SUPT16H: variants seen among roughly 807,000 people sequenced by gnomAD.
SUPT16H encodes FACT complex subunit SPT16.
A neutral mutation model predicts 136.2 loss-of-function variants in SUPT16H; 24 were observed. The ratio of observed to expected loss-of-function variants is 0.18; its 90% CI spans 0.13 to 0.25. The LOEUF (loss-of-function observed/expected upper bound fraction) is 0.25. Ranked by LOEUF, SUPT16H falls within the 10% of genes least tolerant of loss-of-function variation. The pLI, the probability that SUPT16H is intolerant of heterozygous loss-of-function variation, is 1.00. For missense variants in SUPT16H, 623 were observed against 1,270.2 expected, an observed-to-expected ratio of 0.49 and a Z score of 7.74; for synonymous variants, 415 against 428.2, an observed-to-expected ratio of 0.97 and a Z score of 0.38.
intron 23 of SUPT16H, 60 bp from the exon 24 acceptor site, chr14:21,353,892 A>G (rs1260875982): frequency 6.6e-7 from 1 of 1,525,286 alleles, no homozygotes; most frequent in East Asian, 2.3e-5. Context: ...AACTTAATGA[A>G]TTAATTCAGC....
chr14:21,361,242 A>G, intron 15 of SUPT16H, 29 bp from the exon 16 acceptor site: 1 of 1,605,796 alleles, frequency 6.2e-7, no homozygotes. Context: ...ATTTATAGAC[A>G]TTTCTTTTTC....
chr14:21,367,226 C>T (rs1325118806), intron 7 of SUPT16H, among the ~76,000 whole-genome samples: 5 of 152,202 alleles, frequency 3.3e-5, no homozygotes, highest in East Asian at 1.9e-4. Flanking sequence ...CCACCATACC[C>T]GGCCCCGATC....
intron 1 of SUPT16H, among the ~76,000 whole-genome samples, chr14:21,382,636 TA>T (rs1887054351): frequency 6.6e-6 from 1 of 151,844 alleles, no homozygotes; most frequent in African/African-American, 2.4e-5. Flanking sequence ...ATCAAGGTTT[TA>T]AAATGTTTTT....
intron 1 of SUPT16H, 150 bp downstream of exon 1, chr14:21,383,712 G>A (rs2139424309): frequency 5.8e-6 from 5 of 862,516 alleles, no homozygotes; most frequent in Non-Finnish European, 7.8e-6. Flanking sequence ...GTTCGTGGCC[G>A]CCTCCGGTGA....
chr14:21,360,661 T>C, intron 17 of SUPT16H, 128 bp from the exon 18 acceptor site: 1 of 1,202,756 alleles, frequency 8.3e-7, no homozygotes. Context: ...TTCCTTTCCT[T>C]CTGGCCACAC....
intron 16 of SUPT16H, 31 bp downstream of exon 16, chr14:21,361,047 G>GT: frequency 6.2e-7 from 1 of 1,611,570 alleles, no homozygotes; most frequent in South Asian, 1.1e-5. Flanking sequence ...CCTTCTTTGT[G>GT]TAAGAATGTT....
chr14:21,360,783 T>C, intron 17 of SUPT16H, 63 bp downstream of exon 17: 1 of 1,563,666 alleles, frequency 6.4e-7, no homozygotes, highest in Non-Finnish European at 8.6e-7. Flanking sequence ...TATTATCTGA[T>C]CTGTCATTCC....
Position 21,358,228 on chromosome 14 carries a change from T to C in SUPT16H, c.2414+87A>G. On this transcript the variant is annotated intron_variant, in intron 20 of 25. Transcript: ENST00000216297. ...TTAGTCATAGGAAAAAAGGATATGA[T>C]ATGTTAAATTATTATTAAAGGAAGA... 4 of 886,304 alleles carry C rather than the reference T, an allele frequency of 4.5e-6. No individual in the cohort carries two copies. The South Asian group carries it at 6.7e-5, about 15-fold the overall frequency. The allele number at this position is 886,304 out of a possible 1,614,324, so 54.9% of individuals were successfully genotyped here.
intron 3 of SUPT16H, 123 bp from the exon 4 acceptor site, chr14:21,370,611 C>T: frequency 1.8e-6 from 2 of 1,091,046 alleles, no homozygotes; most frequent in East Asian, 2.4e-5. Flanking sequence ...CCCATCCCCA[C>T]CTACTTTTTA....
At chr14:21,376,609 C>T (rs1566394850) in intron 1 of SUPT16H, among the ~76,000 whole-genome samples, 1 of 151,912 alleles carries the variant, frequency 6.6e-6, no homozygotes, top group African/African-American at 2.4e-5. Flanking sequence ...TAGTTCTCAC[C>T]AATAGTGAAA....
intron 18 of SUPT16H, 96 bp downstream of exon 18, chr14:21,360,319 C>T (rs1417209923): frequency 6.4e-5 from 63 of 987,712 alleles, no homozygotes; most frequent in Non-Finnish European, 8.9e-5. Context: ...TGAGCCACCG[C>T]GCCCAGCCCT....
intron 22 of SUPT16H, among the ~76,000 whole-genome samples, chr14:21,356,716 G>C (rs1886442013): frequency 6.6e-6 from 1 of 151,986 alleles, no homozygotes; most frequent in African/African-American, 2.4e-5. Flanking sequence ...CTTGAGCCTG[G>C]GCAACACAGT....
At chr14:21,369,431 A>G in intron 5 of SUPT16H, 76 bp from the exon 6 acceptor site, 1 of 1,560,648 alleles carries the variant, frequency 6.4e-7, no homozygotes, top group African/African-American at 1.4e-5. Context: ...TATGATTTGA[A>G]GACAAAATGT....
chr14:21,378,530 T>A (rs1886954065), intron 1 of SUPT16H, among the ~76,000 whole-genome samples: 1 of 151,982 alleles, frequency 6.6e-6, no homozygotes, highest in Admixed American at 6.6e-5. Context: ...CTGTGTGGGG[T>A]GGTGGGTATA....
intron 1 of SUPT16H, among the ~76,000 whole-genome samples, chr14:21,374,554 T>C (rs1732364645): frequency 6.6e-6 from 1 of 152,218 alleles, no homozygotes; most frequent in African/African-American, 2.4e-5. Context: ...GATTTGTCTA[T>C]TCTGGACAAT....
At chr14:21,369,015 AGGG>A (rs1471529071) in intron 6 of SUPT16H, among the ~76,000 whole-genome samples, 186 bp downstream of exon 6, 1 of 152,220 alleles carries the variant, frequency 6.6e-6, no homozygotes, top group Non-Finnish European at 1.5e-5. Context: ...ACAGCAGAGT[AGGG>A]TGACTATACT....
intron 6 of SUPT16H, 60 bp from the exon 7 acceptor site, chr14:21,368,501 C>A: frequency 6.6e-7 from 1 of 1,506,870 alleles, no homozygotes; most frequent in East Asian, 2.4e-5. Context: ...TCCTTGGTAT[C>A]AATGGGACAC....
At chr14:21,368,465 A>G (rs1409372715) in intron 6 of SUPT16H, 24 bp from the exon 7 acceptor site, 2 of 1,575,080 alleles carry the variant, frequency 1.3e-6, no homozygotes, top group South Asian at 2.3e-5. Context: ...AAGAAAGAAA[A>G]CATTTCATTA....
At chr14:21,362,708 A>G in intron 14 of SUPT16H, 86 bp downstream of exon 14, 1 of 1,451,344 alleles carries the variant, frequency 6.9e-7, no homozygotes, top group South Asian at 1.4e-5. Flanking sequence ...AGTGGGAGAC[A>G]TGATGAATGC....
Sources: allele counts gnomAD v4.1 joint callset (sites outside exome capture counted in the v4.1 genomes callset), GRCh38; gene constraint gnomAD v4.1.1; transcripts MANE v1.5; gene names NCBI Gene and HGNC (gene_info 2026-07-23, HGNC 2026-07-21).